Variants in GIN1 observed in about 807,000 individuals in gnomAD.
The protein encoded by GIN1 is gypsy retrotransposon integrase-like protein 1.
In GIN1, 41 loss-of-function variants were observed where a neutral mutation model predicts 51.4. The observed-to-expected ratio is 0.80, with a 90% confidence interval of 0.62 to 1.04. GIN1 has a LOEUF of 1.04. Among genes scored for constraint, GIN1 ranks in the 50% least tolerant of loss-of-function variants. The pLI is 0.00. For missense variants in GIN1, 610 were observed against 612.4 expected (o/e 1.00, Z 0.04); for synonymous variants, 222 against 206.5 (o/e 1.07, Z -0.64).
intron 4 of GIN1, 25 bp from the exon 5 acceptor site, chr5:103,097,806 G>T: frequency 9.9e-7 from 1 of 1,011,434 alleles, no homozygotes; most frequent in Non-Finnish European, 1.4e-6. Context: ...AAACAAAGGT[G>T]GCTTTTTAAA....
chr5:103,119,678 C>G (rs1554198188), intron 1 of GIN1, among the ~76,000 whole-genome samples: 1 of 152,152 alleles, frequency 6.6e-6, no homozygotes, highest in African/African-American at 2.4e-5. Context: ...GGGGAGAATT[C>G]TTCAACGCCG....
intron 7 of GIN1, among the ~76,000 whole-genome samples, chr5:103,089,991 A>G (rs1345604114): frequency 6.6e-6 from 1 of 152,218 alleles, no homozygotes; most frequent in African/African-American, 2.4e-5. Context: ...AAAAAATAAA[A>G]TAAAATAAAA....
chr5:103,108,244 C>T (rs1787779703), intron 2 of GIN1, among the ~76,000 whole-genome samples: 1 of 151,980 alleles, frequency 6.6e-6, no homozygotes, highest in South Asian at 2.1e-4. Context: ...AAAAAAGTTC[C>T]TCATTGAAAT....
intron 7 of GIN1, among the ~76,000 whole-genome samples, chr5:103,094,413 C>A (rs34809): frequency 0.24 from 36,145 of 152,036 alleles, 5,067 homozygotes; most frequent in East Asian, 0.45. Context: ...CACCAGTAGT[C>A]ATATTGCAAT....
intron 1 of GIN1, among the ~76,000 whole-genome samples, chr5:103,114,780 T>A (rs1157548401): frequency 2.6e-5 from 4 of 152,168 alleles, no homozygotes; most frequent in African/African-American, 9.7e-5. Flanking sequence ...CTCTCCCAAA[T>A]ATATTGTAAA....
At chr5:103,110,022 G>C (rs782790913) in intron 1 of GIN1, among the ~76,000 whole-genome samples, 12 of 152,034 alleles carry the variant, frequency 7.9e-5, no homozygotes, top group Non-Finnish European at 1.5e-4. Flanking sequence ...TGGACAATTA[G>C]ATAACTGTAT....
At position 103,111,324 on chromosome 5, in the gene GIN1, C is replaced by T. The variant is rs191961056; in HGVS notation, c.-7-2610G>A. 3.1e-3 allele frequency among the ~76,000 whole-genome samples: 476 copies of T among 152,222 alleles called. 3 individuals are homozygous for T. Among genetic ancestry groups the T allele is most frequent in the Admixed American group, 7.5e-3 (114 of 15,274 alleles). ...AGATGAAATCAATATATAGACTATA[C>T]ATACTGTAAAATTAATAATATACTA... On this transcript the variant is annotated intron_variant, in intron 1 of 7. Transcript: ENST00000399004.
At chr5:103,103,559 G>A (rs1787634890) in intron 4 of GIN1, among the ~76,000 whole-genome samples, 2 of 152,112 alleles carry the variant, frequency 1.3e-5, no homozygotes, top group Non-Finnish European at 2.9e-5. Flanking sequence ...CATATACCCT[G>A]TCAATTACAA....
At position 103,104,611 on chromosome 5, in the gene GIN1, A is replaced by G; in HGVS notation, c.569T>C (p.Ile190Thr). ...VSASEVSKAI[I>T]NIFFLYGPPQ... ...AGGTCCATATAAGAAAAATATATTG[A>G]TAATAGCTTTAGAAACTTCTGATGC... Residue 190 changes from isoleucine (I) to threonine (T), a missense_variant, in exon 4 of 8, where the codon ATC becomes ACC. Transcript: ENST00000399004. 1.9e-6 allele frequency: 3 copies of G among 1,573,810 alleles called. No individual in the cohort carries two copies. Among genetic ancestry groups the G allele is most frequent in the Non-Finnish European group, 2.6e-6 (3 of 1,143,518 alleles).
At position 103,097,456 on chromosome 5, in the gene GIN1, A is replaced by C; in HGVS notation, c.866T>G (p.Phe289Cys). ...CTCAGGCATATAAGGATTTCGACTA[A>C]ACATTTGAAAATATGGTGTATTTTT... Reference protein sequence around the residue: ...PTKNTPYFQMFSRNPYMPETS... With the variant: ...PTKNTPYFQMCSRNPYMPETS... Residue 289 changes from phenylalanine (F) to cysteine (C), a missense_variant, in exon 6 of 8, where the codon TTT (phenylalanine) becomes TGT (cysteine). Transcript: ENST00000399004. The C allele has an allele frequency of 6.4e-7, 1 of 1,572,666 alleles. No homozygotes were observed. Among genetic ancestry groups the C allele is most frequent in the Non-Finnish European group, 8.7e-7 (1 of 1,147,028 alleles).
intron 1 of GIN1, among the ~76,000 whole-genome samples, chr5:103,117,533 C>T (rs1788070985): frequency 7.1e-6 from 1 of 141,802 alleles, no homozygotes; most frequent in African/African-American, 2.5e-5. Context: ...ATAAATGATA[C>T]CCAATAATGT....
intron 1 of GIN1, among the ~76,000 whole-genome samples, chr5:103,117,524 T>A (rs1051262168): frequency 2.0e-5 from 3 of 149,634 alleles, no homozygotes; most frequent in Admixed American, 6.7e-5. Flanking sequence ...GTAGGAGAAA[T>A]AAATGATACC....
At chr5:103,104,091 T>C (rs569198026) in intron 4 of GIN1, among the ~76,000 whole-genome samples, 25 of 152,150 alleles carry the variant, frequency 1.6e-4, no homozygotes, top group Non-Finnish European at 3.4e-4. Flanking sequence ...GTAGCTGTGA[T>C]TACAGGCGCC....
At chr5:103,108,260 A>T (rs34829) in intron 2 of GIN1, among the ~76,000 whole-genome samples, 52,246 of 151,962 alleles carry the variant, frequency 0.34, 9,452 homozygotes, top group East Asian at 0.45. Context: ...GAAATTGGCA[A>T]CAGTGCTGGA....
intron 1 of GIN1, among the ~76,000 whole-genome samples, chr5:103,110,816 G>A (rs1371686280): frequency 4.6e-5 from 7 of 152,072 alleles, no homozygotes; most frequent in Admixed American, 1.3e-4. Context: ...CCACTAAATG[G>A]AAACAGTAAA....
intron 2 of GIN1, 143 bp from the exon 3 acceptor site, chr5:103,107,052 T>C: frequency 1.8e-6 from 1 of 559,790 alleles, no homozygotes; most frequent in Non-Finnish European, 3.1e-6. Flanking sequence ...GAATATTTAT[T>C]TTTAATGATG....
chr5:103,100,463 C>T (rs1554195663), intron 4 of GIN1, among the ~76,000 whole-genome samples: 1 of 152,078 alleles, frequency 6.6e-6, no homozygotes, highest in East Asian at 1.9e-4. Flanking sequence ...GCAACCATAG[C>T]TCACTACAGC....
Position 103,087,893 on chromosome 5 carries a change from A to G in GIN1, c.*5T>C, listed in dbSNP as rs781926331. On this transcript the variant is annotated 3_prime_UTR_variant, in exon 8 of 8. Transcript: ENST00000399004. ...ACAAACAATTTAAATAAATTTTGGTATTTACTAACTTAAGTATTCAAGAAC... is the reference window on the plus strand; with the variant it reads ...ACAAACAATTTAAATAAATTTTGGTGTTTACTAACTTAAGTATTCAAGAAC... 8 of 1,312,296 alleles carry G rather than the reference A, an allele frequency of 6.1e-6. No individual in the cohort carries two copies. Among genetic ancestry groups the G allele is most frequent in the Non-Finnish European group, 8.4e-6 (8 of 957,072 alleles). The allele number at this position is 1,312,296 out of a possible 1,614,324, so 81.3% of individuals were successfully genotyped here.
At chr5:103,110,196 G>GAT (rs1787834984) in intron 1 of GIN1, among the ~76,000 whole-genome samples, 1 of 124,310 alleles carries the variant, frequency 8.0e-6, no homozygotes, top group Non-Finnish European at 1.9e-5. Flanking sequence ...TCTTAAATAA[G>GAT]ACACAAAAAA....
Sources: allele counts gnomAD v4.1 joint callset (sites outside exome capture counted in the v4.1 genomes callset), GRCh38; gene constraint gnomAD v4.1.1; transcripts MANE v1.5; gene names NCBI Gene and HGNC (gene_info 2026-07-23, HGNC 2026-07-21).